The following NEMP2 variants were observed in gnomAD, a reference collection of about 807,000 sequenced individuals.
The protein encoded by NEMP2 is nuclear envelope integral membrane protein 2.
A neutral mutation model predicts 54.2 loss-of-function variants in NEMP2; 53 were observed. That is an observed-to-expected ratio of 0.98 (90% CI 0.78 to 1.23). The LOEUF (loss-of-function observed/expected upper bound fraction) is 1.23. Among genes scored for constraint, NEMP2 ranks in the 50% most tolerant of loss-of-function variants. The pLI is 0.00. For synonymous variants in NEMP2, 197 were observed against 190.3 expected, an observed-to-expected ratio of 1.04 and a Z score of -0.29; for missense variants, 455 against 511.3, an observed-to-expected ratio of 0.89 and a Z score of 1.06.
chr2:190,452,753 G>A, the NEMP2 span, among the ~76,000 whole-genome samples: 5 of 152,086 alleles, frequency 3.3e-5, no homozygotes, highest in Non-Finnish European at 5.9e-5. Context: ...TCCCTGTAAA[G>A]TGCCCCCACG....
chr2:190,434,435 TTTTA>T, the NEMP2 span, among the ~76,000 whole-genome samples: 25 of 152,252 alleles, frequency 1.6e-4, no homozygotes, highest in Non-Finnish European at 3.2e-4. This position sits in a 1 kb window ranked among gnomAD's most constrained non-coding sequence, Gnocchi z 4.3. Context: ...ATTTATTTTA[TTTTA>T]TTTATTTATT....
In NEMP2 at chr2:190,510,518, T is replaced by G; in HGVS notation, c.973A>C (p.Thr325Pro). 1.3e-6 allele frequency: 2 copies of G among 1,551,986 alleles called. No homozygotes were observed. Among genetic ancestry groups the G allele is most frequent in the Non-Finnish European group, 1.7e-6 (2 of 1,147,046 alleles). Residue 325 changes from threonine to proline, a missense_variant, in exon 8 of 9, where the codon ACA (threonine) becomes CCA (proline). By Grantham distance (38) the Thr-to-Pro change is conservative. Transcript: ENST00000409150. The surrounding 1 kb of genome is among the most constrained non-coding windows in gnomAD (Gnocchi z 5.7). ...TATTTCACCACCAGCTCTTTTGATG[T>G]AAACCACTGCTCCATTTTCCTAAAA... is the stretch of plus-strand genomic sequence containing the variant. The part of the protein sequence containing the change: ...YMRWKMEQWF[T>P]SKELVVKYLT...
the NEMP2 span, among the ~76,000 whole-genome samples, chr2:190,493,947 T>C: frequency 6.6e-6 from 1 of 151,230 alleles, no homozygotes; most frequent in Admixed American, 6.6e-5. Flanking sequence ...AGGTCACACC[T>C]CAAGGAACTA....
In NEMP2 at chr2:190,534,560, TG is replaced by T. The variant is rs1691295626; in HGVS notation, c.95del (p.Ser32Ter). The part of the protein sequence containing the change: ...VRGEAAAAAL[S>X]VRRCKALKEK... ...CCGCCGCCGCCGGTCCCGGGTTACC[TG>T]ATAACGCTGCCGCCGCCGCCTCCCC... On this transcript the variant is annotated frameshift_variant and splice_region_variant, in exon 1 of 9. Coordinates refer to ENST00000409150, the MANE Select transcript of NEMP2 (RefSeq NM_001142645.2). LOFTEE classifies it high-confidence loss of function. 43 of 1,401,234 alleles carry T rather than the reference TG, an allele frequency of 3.1e-5. No homozygotes were observed. The highest frequency in any genetic ancestry group is 3.9e-5 in the Non-Finnish European group (42 of 1,082,392). 86.8% of individuals were successfully genotyped at this position (1,401,234 alleles called of 1,614,324 possible).
the NEMP2 span, among the ~76,000 whole-genome samples, chr2:190,574,778 TCCTTCCCTC>T: frequency 0.44 from 45,874 of 105,404 alleles, 10,979 homozygotes; most frequent in Non-Finnish European, 0.52. Context: ...CTCCCTTCCC[TCCTTCCCTC>T]CCTTCCCTCC....
At chr2:190,433,149 C>G in the NEMP2 span, among the ~76,000 whole-genome samples, 1 of 151,922 alleles carries the variant, frequency 6.6e-6, no homozygotes, top group Non-Finnish European at 1.5e-5. The surrounding 1 kb of genome is among the most constrained non-coding windows in gnomAD (Gnocchi z 4.5). Flanking sequence ...TGTTTATTGT[C>G]ATTTTAGTGG....
chr2:190,539,557 T>C (rs1407876198), upstream of NEMP2, among the ~76,000 whole-genome samples: 1 of 152,170 alleles, frequency 6.6e-6, no homozygotes, highest in Non-Finnish European at 1.5e-5. This position sits in a 1 kb window ranked among gnomAD's most constrained non-coding sequence, Gnocchi z 4.1. Flanking sequence ...ATTTTAATAA[T>C]ATTAATTATT....
At chr2:190,576,184 T>C in the NEMP2 span, among the ~76,000 whole-genome samples, 1 of 152,110 alleles carries the variant, frequency 6.6e-6, no homozygotes, top group Non-Finnish European at 1.5e-5. Context: ...CTGCCCAAGC[T>C]AGTCTTGAAT....
the NEMP2 span, among the ~76,000 whole-genome samples, chr2:190,473,327 G>A: frequency 6.6e-6 from 1 of 152,172 alleles, no homozygotes; most frequent in East Asian, 1.9e-4. Flanking sequence ...TCAGTGTGCT[G>A]TATTCAGGAA....
At chr2:190,630,977 A>G in the NEMP2 span, among the ~76,000 whole-genome samples, 1 of 151,890 alleles carries the variant, frequency 6.6e-6, no homozygotes, top group East Asian at 1.9e-4. The surrounding 1 kb of genome is among the most constrained non-coding windows in gnomAD (Gnocchi z 5.5). Context: ...AGCCTGGCCA[A>G]CATAGTGAGA....
chr2:190,481,231 A>T, the NEMP2 span, among the ~76,000 whole-genome samples: 1 of 152,260 alleles, frequency 6.6e-6, no homozygotes, highest in East Asian at 1.9e-4. Context: ...TAATGCCAGC[A>T]TGTAAAAATT....
In NEMP2 at chr2:190,508,258, T is replaced by A. The variant is rs952578605; in HGVS notation, c.*931A>T. 6.6e-6 allele frequency: 1 copy of A among 152,216 alleles called. No homozygotes were observed. Among genetic ancestry groups the A allele is most frequent in the Non-Finnish European group, 1.5e-5 (1 of 68,042 alleles). The allele number at this position is 152,216 out of a possible 1,614,324, so 9.4% of individuals were successfully genotyped here. On this transcript the variant is annotated 3_prime_UTR_variant, in exon 9 of 9. Transcript: ENST00000409150. The surrounding 1 kb of genome is among the most constrained non-coding windows in gnomAD (Gnocchi z 4.3). ...CGTATGTATAAAAAACTTTAAAATG[T>A]CTTCAGAAACATTTCCCTTTATCAC...
the NEMP2 span, among the ~76,000 whole-genome samples, chr2:190,440,772 A>T: frequency 6.6e-6 from 1 of 152,226 alleles, no homozygotes; most frequent in African/African-American, 2.4e-5. Context: ...GGGGGGTTAC[A>T]TTACCTATTA....
chr2:190,508,924 C>T lies in NEMP2; in HGVS notation c.*265G>A. The T allele has an allele frequency of 2.2e-6, 1 of 455,090 alleles. No individual in the cohort carries two copies. Among genetic ancestry groups the T allele is most frequent in the Non-Finnish European group, 4.0e-6 (1 of 252,976 alleles). The allele number at this position is 455,090 out of a possible 1,614,324, so 28.2% of individuals were successfully genotyped here. A position where few individuals can be genotyped will look rare whatever the true frequency, so the allele number is the denominator to read the frequency against. On this transcript the variant is annotated 3_prime_UTR_variant, in exon 9 of 9. Transcript: ENST00000409150. The surrounding 1 kb of genome is among the most constrained non-coding windows in gnomAD (Gnocchi z 4.3). ...TTAAGAACAACGCCATTCCCCTGTTCCTAATGAAAGCCTTCATTCAAGGTA... is the reference window on the plus strand; with the variant it reads ...TTAAGAACAACGCCATTCCCCTGTTTCTAATGAAAGCCTTCATTCAAGGTA...
At chr2:190,638,808 G>A in the NEMP2 span, among the ~76,000 whole-genome samples, 1 of 152,092 alleles carries the variant, frequency 6.6e-6, no homozygotes, top group Admixed American at 6.5e-5. This position sits in a 1 kb window ranked among gnomAD's most constrained non-coding sequence, Gnocchi z 5.7. Context: ...CAGAGAAAGT[G>A]GGCTCTGCTC....
At chr2:190,595,486 A>C in the NEMP2 span, among the ~76,000 whole-genome samples, 1 of 152,224 alleles carries the variant, frequency 6.6e-6, no homozygotes, top group African/African-American at 2.4e-5. The surrounding 1 kb of genome is among the most constrained non-coding windows in gnomAD (Gnocchi z 4.0). Flanking sequence ...AGTGGGAAAA[A>C]ATTTTTGTAA....
chr2:190,589,887 C>A, the NEMP2 span, among the ~76,000 whole-genome samples: 3 of 152,166 alleles, frequency 2.0e-5, no homozygotes, highest in Non-Finnish European at 4.4e-5. This position sits in a 1 kb window ranked among gnomAD's most constrained non-coding sequence, Gnocchi z 4.3. Context: ...GGGCTGCAAA[C>A]TGTGGAGATA....
chr2:190,555,767 T>C, the NEMP2 span, among the ~76,000 whole-genome samples: 1 of 152,070 alleles, frequency 6.6e-6, no homozygotes, highest in Non-Finnish European at 1.5e-5. This position sits in a 1 kb window ranked among gnomAD's most constrained non-coding sequence, Gnocchi z 4.8. Context: ...CCAGGAGAAC[T>C]TCCCCAACCT....
At chr2:190,534,811 T>G (rs573898322), upstream of NEMP2, 6 of 503,730 alleles carry the variant, frequency 1.2e-5, no homozygotes, top group Middle Eastern at 5.7e-4. Context: ...GGAGGGAGAG[T>G]TGGGCTCGTT....
Sources: gnomAD v4.1 joint callset for allele counts (sites outside exome capture counted in the v4.1 genomes callset) on GRCh38, gnomAD v4.1.1 for gene constraint, Gnocchi (gnomAD v3.1) non-coding constraint, MANE v1.5 for transcripts, NCBI Gene and HGNC (gene_info 2026-07-23, HGNC 2026-07-21) for gene names.